GCNT1: variants seen among roughly 807,000 people sequenced by gnomAD.
GCNT1 encodes glucosaminyl (N-acetyl) transferase 1.
In GCNT1, 16 loss-of-function variants were observed where a neutral mutation model predicts 26.2. The ratio of observed to expected loss-of-function variants is 0.61; its 90% CI spans 0.41 to 0.93. GCNT1 has a LOEUF of 0.93. Ranked by LOEUF, GCNT1 falls within the 40% of genes least tolerant of loss-of-function variation. The pLI, the probability that GCNT1 is intolerant of heterozygous loss-of-function variation, is 0.00. For missense variants in GCNT1, 477 were observed against 526.7 expected (o/e 0.91, Z 0.92); for synonymous variants, 183 against 190.8 (o/e 0.96, Z 0.34).
the GCNT1 span, among the ~76,000 whole-genome samples, chr9:76,402,637 A>G: frequency 6.6e-6 from 1 of 151,994 alleles, no homozygotes; most frequent in Admixed American, 6.6e-5. Context: ...TGTCTGCTAT[A>G]TGCAGCTGCC....
At chr9:76,418,995 C>T (rs1272411054), upstream of GCNT1, among the ~76,000 whole-genome samples, 1 of 152,108 alleles carries the variant, frequency 6.6e-6, no homozygotes, top group African/African-American at 2.4e-5. Context: ...TTGGGAGAGA[C>T]AAAATGTTAG....
chr9:76,448,519 A>G (rs988494045), intron 1 of GCNT1, among the ~76,000 whole-genome samples: 1 of 152,180 alleles, frequency 6.6e-6, no homozygotes, highest in African/African-American at 2.4e-5. Context: ...GTTTAGGTGT[A>G]TAGTTCCATG....
chr9:76,477,272 A>C (rs535883336), intron 2 of GCNT1, among the ~76,000 whole-genome samples: 1 of 151,058 alleles, frequency 6.6e-6, no homozygotes, highest in South Asian at 2.1e-4. Flanking sequence ...TCACGCCTGT[A>C]ATCCCAGCAC....
chr9:76,405,288 A>AACACACACAC, the GCNT1 span, among the ~76,000 whole-genome samples: 6,492 of 149,692 alleles, frequency 0.043, 203 homozygotes, highest in East Asian at 0.12. Flanking sequence ...CCTGACCTTC[A>AACACACACAC]ACACACACAC....
At chr9:76,462,157 T>TA (rs1206356658) in intron 2 of GCNT1, among the ~76,000 whole-genome samples, 1 of 144,542 alleles carries the variant, frequency 6.9e-6, no homozygotes, top group Non-Finnish European at 1.5e-5. Context: ...TTTTTTTTTT[T>TA]ATAGAGCCAA....
chr9:76,419,616 C>G (rs1000374798), upstream of GCNT1, among the ~76,000 whole-genome samples: 1 of 151,800 alleles, frequency 6.6e-6, no homozygotes, highest in African/African-American at 2.4e-5. Flanking sequence ...CAATATCATG[C>G]GACTACACTC....
chr9:76,473,679 G>A (rs570862719), intron 2 of GCNT1, among the ~76,000 whole-genome samples: 55 of 152,182 alleles, frequency 3.6e-4, no homozygotes, highest in Non-Finnish European at 5.7e-4. Context: ...AGCTAGGAGA[G>A]GCTAAGAATT....
At chr9:76,482,376 C>T (rs1033428213) in intron 2 of GCNT1, among the ~76,000 whole-genome samples, 1 of 151,866 alleles carries the variant, frequency 6.6e-6, no homozygotes, top group Non-Finnish European at 1.5e-5. Flanking sequence ...GATCCCAGCA[C>T]TTTGGGAGGC....
chr9:76,472,364 G>T (rs1028932265), intron 2 of GCNT1, among the ~76,000 whole-genome samples: 15 of 152,206 alleles, frequency 9.9e-5, no homozygotes, highest in African/African-American at 3.4e-4. Context: ...GGGTTCTGTG[G>T]GTGGCCCTCC....
At chr9:76,490,873 C>T (rs1824715440) in intron 2 of GCNT1, among the ~76,000 whole-genome samples, 1 of 152,194 alleles carries the variant, frequency 6.6e-6, no homozygotes, top group African/African-American at 2.4e-5. Context: ...GATTTAGATC[C>T]CCTGTAAGGA....
At chr9:76,413,668 G>GTTTTTTTTTTT in the GCNT1 span, among the ~76,000 whole-genome samples, 1 of 84,212 alleles carries the variant, frequency 1.2e-5, no homozygotes, top group Non-Finnish European at 2.6e-5. Context: ...TTTTTTTTTT[G>GTTTTTTTTTTT]TTTTTTTTTT....
intron 1 of GCNT1, among the ~76,000 whole-genome samples, chr9:76,429,794 A>G (rs572792594): frequency 1.5e-4 from 23 of 149,562 alleles, no homozygotes; most frequent in Non-Finnish European, 3.0e-4. Flanking sequence ...GGCTCACTGC[A>G]AGCTCCGCCT....
Position 76,503,183 on chromosome 9 carries a change from A to G in GCNT1, c.802A>G (p.Asn268Asp). 1 of 1,614,172 alleles carries G rather than the reference A, an allele frequency of 6.2e-7. No individual in the cohort carries two copies. Among genetic ancestry groups the G allele is most frequent in the Non-Finnish European group, 8.5e-7 (1 of 1,180,016 alleles). ...TGAGGTCGTTAATGGAAAGCTGACA[A>G]ACACAGGGACTGTCAAAATGCTTCC... The part of the protein sequence containing the change: ...RYEVVNGKLT[N>D]TGTVKMLPPL... Residue 268 changes from asparagine to aspartate, a missense_variant, in exon 4 of 4, where the codon AAC (asparagine) becomes GAC (aspartate). By Grantham distance (23) the Asn-to-Asp change is conservative. Coordinates refer to ENST00000376730, the MANE Select transcript of GCNT1 (RefSeq NM_001490.5).
At chr9:76,443,930 AAAGG>A (rs201262371) in intron 1 of GCNT1, among the ~76,000 whole-genome samples, 12,819 of 75,518 alleles carry the variant, frequency 0.17, 994 homozygotes, top group East Asian at 0.21. Context: ...AGAAAGGAAG[AAAGG>A]AAGGAAGGAA....
At chr9:76,467,234 G>A (rs913605995) in intron 2 of GCNT1, among the ~76,000 whole-genome samples, 14 of 152,120 alleles carry the variant, frequency 9.2e-5, no homozygotes, top group Non-Finnish European at 1.8e-4. Flanking sequence ...AGTAGAGATG[G>A]GGTTTCACCG....
chr9:76,412,817 T>C, the GCNT1 span, among the ~76,000 whole-genome samples: 1 of 152,216 alleles, frequency 6.6e-6, no homozygotes, highest in East Asian at 1.9e-4. Context: ...TTGACTCACC[T>C]TGCTGAACCC....
chr9:76,495,043 G>A (rs762146873), intron 2 of GCNT1, among the ~76,000 whole-genome samples: 48 of 152,094 alleles, frequency 3.2e-4, no homozygotes, highest in Non-Finnish European at 5.4e-4. Flanking sequence ...CGCACTAGTC[G>A]CTTTTAACTG....
upstream of GCNT1, among the ~76,000 whole-genome samples, chr9:76,438,078 C>T (rs995820754): frequency 2.6e-5 from 4 of 152,116 alleles, no homozygotes; most frequent in African/African-American, 9.7e-5. Context: ...AGACAGGTCT[C>T]AAGCAATTTA....
chr9:76,416,241 C>T (rs1823131419), upstream of GCNT1, among the ~76,000 whole-genome samples: 1 of 152,138 alleles, frequency 6.6e-6, no homozygotes. Flanking sequence ...GACGGCTGAA[C>T]TCCAGGGGGA....
Sources: allele counts gnomAD v4.1 joint callset (sites outside exome capture counted in the v4.1 genomes callset), GRCh38; gene constraint gnomAD v4.1.1; transcripts MANE v1.5; gene names NCBI Gene and HGNC (gene_info 2026-07-23, HGNC 2026-07-21).